The following SEC11A variants were observed in gnomAD, a reference collection of about 807,000 sequenced individuals.
SEC11A encodes the protein signal peptidase complex catalytic subunit SEC11A.
In SEC11A, 14 loss-of-function variants were observed where a neutral mutation model predicts 25.6. The ratio of observed to expected loss-of-function variants is 0.55; its 90% confidence interval spans 0.36 to 0.85. The LOEUF (loss-of-function observed/expected upper bound fraction) is 0.85. Among genes scored for constraint, SEC11A ranks in the 40% least tolerant of loss-of-function variants. SEC11A has a pLI of 0.01. For synonymous variants in SEC11A, 83 were observed against 76.4 expected (o/e 1.09, Z -0.45); for missense variants, 153 against 222.9 (o/e 0.69, Z 2.00).
intron 3 of SEC11A, among the ~76,000 whole-genome samples, chr15:84,682,855 G>C (rs1897315791): frequency 1.3e-5 from 2 of 152,146 alleles, no homozygotes; most frequent in Non-Finnish European, 2.9e-5. Flanking sequence ...ATATTTTACA[G>C]TTGATAAAGA....
chr15:84,697,422 A>C (rs1246721165), intron 1 of SEC11A, among the ~76,000 whole-genome samples: 1 of 152,194 alleles, frequency 6.6e-6, no homozygotes, highest in Non-Finnish European at 1.5e-5. Context: ...GCTAATCATC[A>C]AGATCATCTT....
chr15:84,692,154 C>G (rs1215091600), intron 1 of SEC11A: 1 of 152,174 alleles, frequency 6.6e-6, no homozygotes, highest in African/African-American at 2.4e-5. Flanking sequence ...CTCAGCCTCC[C>G]GAGTCGCTGG....
At chr15:84,697,985 G>A (rs1273026120) in intron 1 of SEC11A, among the ~76,000 whole-genome samples, 1 of 152,132 alleles carries the variant, frequency 6.6e-6, no homozygotes, top group Non-Finnish European at 1.5e-5. Context: ...CTGTGATATA[G>A]GGATTTGTGT....
intron 1 of SEC11A, among the ~76,000 whole-genome samples, chr15:84,696,614 G>T (rs1248807278): frequency 6.6e-6 from 1 of 152,130 alleles, no homozygotes; most frequent in Non-Finnish European, 1.5e-5. Context: ...TTCAGAATGG[G>T]TGTGATTTTG....
chr15:84,681,938 T>C (rs898049762), intron 3 of SEC11A, among the ~76,000 whole-genome samples: 1 of 152,040 alleles, frequency 6.6e-6, no homozygotes, highest in African/African-American at 2.4e-5. Context: ...AGCATGATGG[T>C]GTGCGCCTGT....
At chr15:84,685,904 G>A (rs1897409563) in intron 3 of SEC11A, 1 of 141,648 alleles carries the variant, frequency 7.1e-6, no homozygotes, top group East Asian at 2.2e-4. Context: ...CCAGGTTCAA[G>A]TGATTCTCCT....
chr15:84,715,604 C>T (rs1898436225), intron 1 of SEC11A, among the ~76,000 whole-genome samples: 1 of 152,210 alleles, frequency 6.6e-6, no homozygotes, highest in African/African-American at 2.4e-5. Context: ...TGTGGGGCCT[C>T]CAATCGCCTT....
intron 1 of SEC11A, among the ~76,000 whole-genome samples, chr15:84,701,501 T>A (rs979255176): frequency 1.3e-5 from 2 of 148,444 alleles, no homozygotes; most frequent in African/African-American, 2.5e-5. Context: ...ATTGAGATCA[T>A]GCCACTGCAC....
intron 5 of SEC11A, 106 bp from the exon 6 acceptor site, chr15:84,670,175 C>T (rs1225848510): frequency 2.1e-6 from 2 of 957,550 alleles, no homozygotes; most frequent in Non-Finnish European, 3.1e-6. Context: ...CTAAACTACC[C>T]AATTATTCTT....
chr15:84,686,418 C>T (rs550708019), intron 3 of SEC11A: 1 of 152,064 alleles, frequency 6.6e-6, no homozygotes, highest in East Asian at 1.9e-4. Flanking sequence ...CGAGACTAGC[C>T]TAGCCAACAA....
At chr15:84,705,195 G>A (rs187447224) in intron 1 of SEC11A, among the ~76,000 whole-genome samples, 11 of 152,312 alleles carry the variant, frequency 7.2e-5, no homozygotes, top group African/African-American at 2.6e-4. Flanking sequence ...AAAGTGCTGG[G>A]ATTATAGGCC....
chr15:84,679,833 T>C (rs1218491956), intron 4 of SEC11A: 13 of 802,306 alleles, frequency 1.6e-5, no homozygotes, highest in Non-Finnish European at 2.4e-5. Context: ...AATGAGTCTC[T>C]GGTACACAAT....
intron 1 of SEC11A, among the ~76,000 whole-genome samples, chr15:84,700,038 C>T (rs553970408): frequency 3.9e-4 from 59 of 151,988 alleles, no homozygotes; most frequent in South Asian, 2.1e-4. Flanking sequence ...GACTAAAGGC[C>T]GCTCTGGATC....
At chr15:84,682,551 C>T (rs1417196571) in intron 3 of SEC11A, among the ~76,000 whole-genome samples, 6 of 151,984 alleles carry the variant, frequency 3.9e-5, no homozygotes, top group Admixed American at 2.6e-4. Flanking sequence ...TGGGTTCAAG[C>T]GATTCTCCTG....
At chr15:84,687,884 T>G in intron 2 of SEC11A, 110 bp from the exon 3 acceptor site, 1 of 851,276 alleles carries the variant, frequency 1.2e-6, no homozygotes, top group Non-Finnish European at 1.8e-6. Flanking sequence ...GTATACTCAA[T>G]ACCCTAACAA....
At chr15:84,694,267 A>C (rs984395941) in intron 1 of SEC11A, among the ~76,000 whole-genome samples, 1 of 152,092 alleles carries the variant, frequency 6.6e-6, no homozygotes, top group Non-Finnish European at 1.5e-5. Context: ...AAGCACAAGA[A>C]TCACTTGAAC....
chr15:84,674,840 G>A (rs1326564715), intron 4 of SEC11A, among the ~76,000 whole-genome samples: 1 of 152,206 alleles, frequency 6.6e-6, no homozygotes, highest in Non-Finnish European at 1.5e-5. Flanking sequence ...GATTACAAGC[G>A]TGAGCCACCA....
At chr15:84,688,403 G>T (rs961451320) in intron 2 of SEC11A, among the ~76,000 whole-genome samples, 10 of 152,132 alleles carry the variant, frequency 6.6e-5, no homozygotes, top group African/African-American at 2.4e-4. Flanking sequence ...TCAATTCCAT[G>T]GTAACAAGTA....
chr15:84,692,256 T>C (rs1897634170), intron 1 of SEC11A: 1 of 152,252 alleles, frequency 6.6e-6, no homozygotes, highest in African/African-American at 2.4e-5. Context: ...GGTCTCGAAC[T>C]CTTGACCTCA....
Sources: allele counts gnomAD v4.1 joint callset (sites outside exome capture counted in the v4.1 genomes callset), GRCh38; gene constraint gnomAD v4.1.1; transcripts MANE v1.5; gene names NCBI Gene and HGNC (gene_info 2026-07-23, HGNC 2026-07-21).